The following ABCD4 variants were observed in gnomAD, a reference collection of about 807,000 sequenced individuals.
ABCD4 encodes lysosomal cobalamin transporter ABCD4.
In ABCD4, 53 loss-of-function variants were observed where a neutral mutation model predicts 86.3. The observed-to-expected ratio is 0.61, with a 90% CI of 0.49 to 0.77. The LOEUF is 0.77. ABCD4 is among the 30% of genes least tolerant of loss of function. The probability of loss-of-function intolerance (pLI) is 0.00; values close to 1 mark genes in which losing one functional copy is unlikely to be tolerated. For synonymous variants in ABCD4, 328 were observed against 313.6 expected, an observed-to-expected ratio of 1.05 and a Z score of -0.49; for missense variants, 757 against 764.5, an observed-to-expected ratio of 0.99 and a Z score of 0.12.
chr14:74,293,064 A>G, intron 8 of ABCD4, 90 bp downstream of exon 8: 1 of 1,481,350 alleles, frequency 6.8e-7, no homozygotes, highest in Admixed American at 1.8e-5. Context: ...TGGCACATTT[A>G]TCCTTGCAGA....
chr14:74,297,773 A>G, intron 4 of ABCD4, 157 bp downstream of exon 4: 1 of 1,385,150 alleles, frequency 7.2e-7, no homozygotes, highest in Admixed American at 3.3e-5. Context: ...CTTCTCCAGG[A>G]GTCCTCTGCA....
At chr14:74,292,704 G>A in intron 9 of ABCD4, 44 bp downstream of exon 9, 1 of 1,613,884 alleles carries the variant, frequency 6.2e-7, no homozygotes, top group Non-Finnish European at 8.5e-7. Context: ...CTGGGCCAAG[G>A]ACAGAGAGGG....
At chr14:74,301,880 C>A (rs1209354366) in intron 1 of ABCD4, among the ~76,000 whole-genome samples, 1 of 151,996 alleles carries the variant, frequency 6.6e-6, no homozygotes, top group Non-Finnish European at 1.5e-5. Flanking sequence ...GCCCGAGCAA[C>A]AAGAGCAAAA....
At chr14:74,290,800 C>T (rs1198293532) in intron 11 of ABCD4, among the ~76,000 whole-genome samples, 1 of 150,760 alleles carries the variant, frequency 6.6e-6, no homozygotes. Context: ...TTTTCCTGTC[C>T]CAGCCTCCTG....
At chr14:74,286,589 A>G (rs560455296) in intron 18 of ABCD4, 60 bp from the exon 19 acceptor site, 1 of 1,612,246 alleles carries the variant, frequency 6.2e-7, no homozygotes, top group Non-Finnish European at 8.5e-7. Flanking sequence ...AGAGGAGGCC[A>G]CTCGGTTCTC....
At chr14:74,299,880 G>A (rs1028954696) in intron 2 of ABCD4, 1 of 584,912 alleles carries the variant, frequency 1.7e-6, no homozygotes, top group Non-Finnish European at 3.0e-6. Flanking sequence ...TGGCCAAGAT[G>A]GTGAAACCCT....
In ABCD4 at chr14:74,292,369, G is replaced by T; in HGVS notation, c.1036C>A (p.Gln346Lys). ...DVAGYTHRIG[Q>K]LRETLLDMSL... ...ATGTCCAGAAGCGTCTCCCGAAGCTGCCCAATTCTGAACAAGAAAAGAAAA... is the reference window on the plus strand; with the variant it reads ...ATGTCCAGAAGCGTCTCCCGAAGCTTCCCAATTCTGAACAAGAAAAGAAAA... The change falls in exon 11 of 19, where the codon CAG becomes AAG. Residue 346 changes from glutamine to lysine, a missense_variant. Transcript: ENST00000356924. 1 of 1,614,028 alleles carries T rather than the reference G, an allele frequency of 6.2e-7. No homozygotes were observed. The highest frequency in any genetic ancestry group is 1.1e-5 in the South Asian group (1 of 91,084).
In ABCD4 at chr14:74,296,464, A is replaced by G. The variant is rs1475337274; in HGVS notation, c.426-15T>C. 1 of 1,613,064 alleles carries G rather than the reference A, an allele frequency of 6.2e-7. No homozygotes were observed. The highest frequency in any genetic ancestry group is 8.5e-7 in the Non-Finnish European group (1 of 1,179,410). ...TGCGCTGGTCCCTGGAGCCAATGACACAGAGTAGCTGGACCCAGGGAGATG... is the reference window on the plus strand; with the variant it reads ...TGCGCTGGTCCCTGGAGCCAATGACGCAGAGTAGCTGGACCCAGGGAGATG... On this transcript the variant is annotated splice_polypyrimidine_tract_variant and intron_variant, in intron 4 of 18. Transcript: ENST00000356924.
chr14:74,288,102 A>T (rs1594813187), intron 16 of ABCD4, 105 bp downstream of exon 16: 3 of 1,343,374 alleles, frequency 2.2e-6, no homozygotes, highest in Non-Finnish European at 2.1e-6. Context: ...CCAGCCAAAC[A>T]TCTGGACTTT....
Position 74,290,448 on chromosome 14 carries a change from C to A in ABCD4, c.1170G>T (p.Glu390Asp). 6.2e-7 allele frequency: 1 copy of A among 1,614,084 alleles called. No homozygotes were observed. The highest frequency in any genetic ancestry group is 8.5e-7 in the Non-Finnish European group (1 of 1,180,030). The part of the protein sequence containing the change: ...AEPADTAFLL[E>D]RVSISAPSSD... Reference sequence around the variant, plus strand: ...AGGAGGGGGCAGAGATGGAGACCCGCTCAAGGAGAAATGCTGTGTCTGCTG... The same window carrying A: ...AGGAGGGGGCAGAGATGGAGACCCGATCAAGGAGAAATGCTGTGTCTGCTG... Residue 390 changes from glutamate to aspartate, a missense_variant, in exon 12 of 19, where the codon GAG becomes GAT. By Grantham distance (45) the Glu-to-Asp change is conservative (BLOSUM62 2). Coordinates refer to ENST00000356924, the MANE Select transcript of ABCD4 (RefSeq NM_005050.4).
intron 11 of ABCD4, among the ~76,000 whole-genome samples, chr14:74,292,023 G>A (rs1212324248): frequency 6.6e-6 from 1 of 152,214 alleles, no homozygotes; most frequent in East Asian, 1.9e-4. Context: ...AGCACAGGAA[G>A]GGGAGGACAC....
intron 7 of ABCD4, chr14:74,294,857 C>T (rs1594963366): frequency 2.2e-6 from 1 of 462,378 alleles, no homozygotes; most frequent in East Asian, 3.8e-5. Context: ...GGATGTCTTA[C>T]AGTCACCAGC....
intron 7 of ABCD4, 196 bp downstream of exon 7, chr14:74,294,952 C>T: frequency 1.6e-6 from 1 of 630,120 alleles, no homozygotes; most frequent in East Asian, 2.8e-5. Flanking sequence ...TAAGGAACCA[C>T]CAGCTTCAGA....
chr14:74,291,885 T>C (rs1320949580), intron 11 of ABCD4, among the ~76,000 whole-genome samples: 1 of 152,096 alleles, frequency 6.6e-6, no homozygotes, highest in African/African-American at 2.4e-5. Flanking sequence ...AAATCCTGAA[T>C]GCACAGAAAT....
At position 74,289,618 on chromosome 14, in the gene ABCD4, G is replaced by A. The variant is rs551708167; in HGVS notation, c.1420-99C>T. 10 of 1,544,096 alleles carry A rather than the reference G, an allele frequency of 6.5e-6. No individual in the cohort carries two copies. The African/African-American group carries it at 9.6e-5, about 15-fold the overall frequency. On this transcript the variant is annotated intron_variant, in intron 13 of 18. Transcript: ENST00000356924. Reference sequence around the variant, plus strand: ...TCCAGAACCCACTGGAACCTCCCAAGGAGGAGAGGTGGGAACGCCTGGCCT... The same window carrying A: ...TCCAGAACCCACTGGAACCTCCCAAAGAGGAGAGGTGGGAACGCCTGGCCT...
Position 74,296,226 on chromosome 14 carries a change from G to C in ABCD4, c.542+107C>G, listed in dbSNP as rs1419398274. On this transcript the variant is annotated intron_variant, in intron 5 of 18. Coordinates refer to ENST00000356924, the MANE Select transcript of ABCD4 (RefSeq NM_005050.4). ...CGTGGGATGGGTGAGCACGTGGTAAGGTACGGTGGGAGAGAGGGGAAATAA... is the reference window on the plus strand; with the variant it reads ...CGTGGGATGGGTGAGCACGTGGTAACGTACGGTGGGAGAGAGGGGAAATAA... 4.8e-6 allele frequency: 6 copies of C among 1,238,252 alleles called. No individual in the cohort carries two copies. The East Asian group carries it at 1.4e-4, about 29-fold the overall frequency. 76.7% of individuals were successfully genotyped at this position (1,238,252 alleles called of 1,614,324 possible).
At chr14:74,291,747 A>G (rs2081536533) in intron 11 of ABCD4, among the ~76,000 whole-genome samples, 1 of 152,206 alleles carries the variant, frequency 6.6e-6, no homozygotes, top group Admixed American at 6.5e-5. Context: ...CCACTGTCCA[A>G]GCACTTTCCA....
At chr14:74,288,789 C>T in intron 14 of ABCD4, 24 bp from the exon 15 acceptor site, 1 of 1,611,714 alleles carries the variant, frequency 6.2e-7, no homozygotes, top group Non-Finnish European at 8.5e-7. Flanking sequence ...AAGCCTTCTG[C>T]AAAAAGCCAG....
chr14:74,287,788 C>T (rs2080220753), intron 17 of ABCD4, 22 bp downstream of exon 17: 9 of 1,600,658 alleles, frequency 5.6e-6, no homozygotes, highest in Non-Finnish European at 7.7e-6. Context: ...ATGGCATGTG[C>T]AGCCACAAGG....
Sources: gnomAD v4.1 joint callset for allele counts (sites outside exome capture counted in the v4.1 genomes callset) on GRCh38, gnomAD v4.1.1 for gene constraint, MANE v1.5 for transcripts, NCBI Gene and HGNC (gene_info 2026-07-23, HGNC 2026-07-21) for gene names.